GALNT13: variants seen among roughly 807,000 people sequenced by gnomAD.
The protein encoded by GALNT13 is UDP-GalNAc:polypeptide N-acetylgalactosaminyltransferase 13.
A neutral mutation model predicts 64.2 loss-of-function variants in GALNT13; 28 were observed. The observed-to-expected ratio is 0.44, with a 90% CI of 0.32 to 0.60. GALNT13 has a LOEUF of 0.60. GALNT13 is among the 20% of genes least tolerant of loss of function. GALNT13 has a pLI of 0.05. For synonymous variants in GALNT13, 214 were observed against 224.6 expected, an observed-to-expected ratio of 0.95 and a Z score of 0.42; for missense variants, 577 against 669.8, an observed-to-expected ratio of 0.86 and a Z score of 1.53.
chr2:154,093,301 T>G (rs149710319), intron 3 of GALNT13, among the ~76,000 whole-genome samples: 266 of 152,142 alleles, frequency 1.7e-3, no homozygotes, highest in African/African-American at 6.2e-3. Context: ...TGCCAATGAT[T>G]GCTGAGTGTT....
chr2:154,273,278 T>C (rs1297198610), intron 8 of GALNT13, among the ~76,000 whole-genome samples: 5 of 152,140 alleles, frequency 3.3e-5, no homozygotes, highest in African/African-American at 4.8e-5. Context: ...TGATACCAGA[T>C]GACAGGAAGC....
intron 3 of GALNT13, among the ~76,000 whole-genome samples, chr2:154,109,720 T>A (rs927651028): frequency 6.6e-6 from 1 of 152,188 alleles, no homozygotes; most frequent in African/African-American, 2.4e-5. Context: ...TTTTTCTACA[T>A]TTAATGAAAT....
the GALNT13 span, among the ~76,000 whole-genome samples, chr2:153,770,406 A>G: frequency 3.9e-5 from 6 of 152,144 alleles, no homozygotes; most frequent in African/African-American, 1.4e-4. Context: ...TTCTGGTTGT[A>G]GTAGTCATGT....
chr2:153,569,040 A>T, the GALNT13 span, among the ~76,000 whole-genome samples: 33 of 152,310 alleles, frequency 2.2e-4, no homozygotes, highest in Middle Eastern at 0.01. Context: ...TTTCAGATTC[A>T]GGACTATTAT....
intron 3 of GALNT13, among the ~76,000 whole-genome samples, chr2:154,007,759 G>A (rs1250451657): frequency 6.6e-6 from 1 of 151,838 alleles, no homozygotes; most frequent in Admixed American, 6.6e-5. Context: ...TTGTATAGAA[G>A]GAGCATTGTT....
intron 9 of GALNT13, among the ~76,000 whole-genome samples, chr2:154,322,509 A>G (rs1004077767): frequency 9.2e-5 from 14 of 151,982 alleles, no homozygotes; most frequent in Admixed American, 1.3e-4. Context: ...ATGTAACTGT[A>G]AACTACATAT....
At chr2:153,204,200 G>A in the GALNT13 span, among the ~76,000 whole-genome samples, 1 of 152,180 alleles carries the variant, frequency 6.6e-6, no homozygotes, top group African/African-American at 2.4e-5. Context: ...CACATCCTCA[G>A]AGCTGCCTCA....
chr2:154,044,658 G>A (rs936642011), intron 3 of GALNT13, among the ~76,000 whole-genome samples: 25 of 152,112 alleles, frequency 1.6e-4, no homozygotes, highest in African/African-American at 5.8e-4. Context: ...AGATGTTAGA[G>A]GTATTTAGTC....
the GALNT13 span, among the ~76,000 whole-genome samples, chr2:153,417,217 G>A: frequency 6.6e-6 from 1 of 152,162 alleles, no homozygotes; most frequent in African/African-American, 2.4e-5. Flanking sequence ...GAGGTGGGTA[G>A]GGCTGAAACA....
the GALNT13 span, among the ~76,000 whole-genome samples, chr2:153,323,786 A>G: frequency 6.6e-6 from 1 of 152,194 alleles, no homozygotes. Flanking sequence ...TTTGTCAAAC[A>G]TCAGATGGTT....
intron 9 of GALNT13, among the ~76,000 whole-genome samples, chr2:154,377,572 G>A (rs938901979): frequency 6.6e-6 from 1 of 152,098 alleles, no homozygotes; most frequent in African/African-American, 2.4e-5. Context: ...TTATTCAAAT[G>A]AGACTTCGCT....
At chr2:153,271,364 GA>G in the GALNT13 span, among the ~76,000 whole-genome samples, 4 of 152,286 alleles carry the variant, frequency 2.6e-5, no homozygotes, top group South Asian at 8.3e-4. Flanking sequence ...TGTATATTTA[GA>G]AAACCCCATC....
chr2:153,133,876 T>C, the GALNT13 span, among the ~76,000 whole-genome samples: 1 of 152,188 alleles, frequency 6.6e-6, no homozygotes. Context: ...GTTTCTTTTC[T>C]TTCTTCAGAC....
At chr2:153,275,532 T>A in the GALNT13 span, among the ~76,000 whole-genome samples, 1 of 152,190 alleles carries the variant, frequency 6.6e-6, no homozygotes, top group African/African-American at 2.4e-5. Context: ...CTTGGACTTC[T>A]CAGCCTCCAG....
At chr2:154,062,238 G>C (rs963511606) in intron 3 of GALNT13, among the ~76,000 whole-genome samples, 1 of 152,116 alleles carries the variant, frequency 6.6e-6, no homozygotes, top group Non-Finnish European at 1.5e-5. Context: ...GTGGAATCCA[G>C]TCTTACTTTA....
chr2:154,070,239 A>G (rs928880554), intron 3 of GALNT13, among the ~76,000 whole-genome samples: 6 of 152,258 alleles, frequency 3.9e-5, no homozygotes, highest in African/African-American at 1.4e-4. Context: ...AGGGAAAGAA[A>G]GAAATGGAAA....
intron 9 of GALNT13, among the ~76,000 whole-genome samples, chr2:154,362,305 C>T (rs1697117272): frequency 7.2e-6 from 1 of 139,362 alleles, no homozygotes; most frequent in Non-Finnish European, 1.5e-5. Flanking sequence ...TGAGTCTGGA[C>T]TAGTCTTATT....
At chr2:153,559,528 T>C in the GALNT13 span, among the ~76,000 whole-genome samples, 1 of 152,158 alleles carries the variant, frequency 6.6e-6, no homozygotes, top group Non-Finnish European at 1.5e-5. Context: ...TATCCAGTTC[T>C]TTGATAAGAC....
Position 154,242,809 on chromosome 2 carries a change from C to T in GALNT13, c.590C>T (p.Ala197Val). ...GLIRARLRGA[A>V]ASKGQVITFL... ...ATACGTGCCCGTCTTCGAGGAGCAG[C>T]TGCTTCAAAAGGGCAGGTCATAACT... The change falls in exon 6 of 13, where the codon GCT (alanine) becomes GTT (valine). Residue 197 changes from alanine (A) to valine (V), a missense_variant. Ala to Val is a moderately conservative substitution (Grantham distance 64). Coordinates refer to ENST00000392825, the MANE Select transcript of GALNT13 (RefSeq NM_052917.4). The T allele has an allele frequency of 6.2e-7, 1 of 1,614,150 alleles. No homozygotes were observed. The highest frequency in any genetic ancestry group is 8.5e-7 in the Non-Finnish European group (1 of 1,179,984).
Sources: gnomAD v4.1 joint callset for allele counts (sites outside exome capture counted in the v4.1 genomes callset) on GRCh38, gnomAD v4.1.1 for gene constraint, MANE v1.5 for transcripts, NCBI Gene and HGNC (gene_info 2026-07-23, HGNC 2026-07-21) for gene names.